ANKRD6: variants seen among roughly 807,000 people sequenced by gnomAD.
ANKRD6 encodes ankyrin repeat domain-containing protein 6.
Under a neutral mutation model 82.3 loss-of-function variants are expected in ANKRD6, and 56 were observed. That is an observed-to-expected ratio of 0.68 (90% CI 0.55 to 0.85). The LOEUF (loss-of-function observed/expected upper bound fraction) is 0.85. Ranked by LOEUF, ANKRD6 falls within the 40% of genes least tolerant of loss-of-function variation. ANKRD6 has a pLI of 0.00. For synonymous variants in ANKRD6, 347 were observed against 352.1 expected (o/e 0.99, Z 0.16); for missense variants, 852 against 907.6 (o/e 0.94, Z 0.79).
chr6:89,602,988 G>C, intron 3 of ANKRD6, 41 bp from the exon 4 acceptor site: 2 of 1,529,646 alleles, frequency 1.3e-6, no homozygotes, highest in South Asian at 2.4e-5. Flanking sequence ...AGGGGGTGCA[G>C]GGGAGCTGAC....
intron 1 of ANKRD6, among the ~76,000 whole-genome samples, chr6:89,436,081 CAGTAGTT>C (rs1018031219): frequency 6.6e-6 from 1 of 152,156 alleles, no homozygotes; most frequent in Non-Finnish European, 1.5e-5. Context: ...CCTTAGGTTT[CAGTAGTT>C]AGTAGTTAGG....
intron 2 of ANKRD6, among the ~76,000 whole-genome samples, chr6:89,585,309 G>C (rs537521309): frequency 2.6e-5 from 4 of 152,234 alleles, no homozygotes; most frequent in Non-Finnish European, 5.9e-5. Context: ...AACAAGACAG[G>C]GTGTCTGCTC....
At chr6:89,499,524 T>A (rs1779028732) in intron 1 of ANKRD6, among the ~76,000 whole-genome samples, 1 of 152,160 alleles carries the variant, frequency 6.6e-6, no homozygotes, top group South Asian at 2.1e-4. Context: ...TTATCTAGTT[T>A]AACGTTTCTC....
At chr6:89,613,738 CTATT>C in intron 6 of ANKRD6, 50 bp from the exon 7 acceptor site, 2 of 1,508,124 alleles carry the variant, frequency 1.3e-6, no homozygotes, top group Non-Finnish European at 1.8e-6. Context: ...CTACTTTTCT[CTATT>C]TGTTTTGTAA....
intron 1 of ANKRD6, among the ~76,000 whole-genome samples, chr6:89,504,341 G>T (rs562844496): frequency 6.6e-6 from 1 of 152,122 alleles, no homozygotes; most frequent in Non-Finnish European, 1.5e-5. Flanking sequence ...GTTCTCCATA[G>T]AGGGTAGCTG....
intron 2 of ANKRD6, among the ~76,000 whole-genome samples, chr6:89,594,308 G>A (rs1795443546): frequency 6.6e-6 from 1 of 151,950 alleles, no homozygotes; most frequent in Admixed American, 6.6e-5. Flanking sequence ...AGAAAAAATT[G>A]GCTGGGCATG....
At chr6:89,609,944 A>G (rs1241867111) in intron 5 of ANKRD6, among the ~76,000 whole-genome samples, 2 of 152,142 alleles carry the variant, frequency 1.3e-5, no homozygotes, top group African/African-American at 4.8e-5. Flanking sequence ...ATGGCTTCAG[A>G]AGGACAGGTC....
intron 1 of ANKRD6, among the ~76,000 whole-genome samples, chr6:89,485,087 G>T (rs1483981473): frequency 6.6e-6 from 1 of 152,156 alleles, no homozygotes; most frequent in Non-Finnish European, 1.5e-5. Context: ...AAATGCCCCA[G>T]ACTGTCTCAC....
At chr6:89,533,798 C>T (rs1014509700) in intron 1 of ANKRD6, among the ~76,000 whole-genome samples, 1 of 150,702 alleles carries the variant, frequency 6.6e-6, no homozygotes, top group Non-Finnish European at 1.5e-5. Context: ...CCAGTGTACT[C>T]CCCTGAGAGC....
intron 5 of ANKRD6, among the ~76,000 whole-genome samples, chr6:89,606,867 G>A (rs1798747200): frequency 6.6e-6 from 1 of 151,506 alleles, no homozygotes. Flanking sequence ...GGGCAGGTGG[G>A]GGCGGGGGTG....
intron 1 of ANKRD6, among the ~76,000 whole-genome samples, chr6:89,470,104 T>G (rs1775270802): frequency 6.6e-6 from 1 of 152,160 alleles, no homozygotes; most frequent in Non-Finnish European, 1.5e-5. Context: ...ATAAATTACT[T>G]TTCACTAAAC....
chr6:89,433,718 CG>C lies in ANKRD6; in HGVS notation c.-144+348del, dbSNP rs1770252761. 6.6e-6 allele frequency among the ~76,000 whole-genome samples: 1 copy of C among 152,052 alleles called. No individual in the cohort carries two copies. The highest frequency in any genetic ancestry group is 1.5e-5 in the Non-Finnish European group (1 of 67,990). On this transcript the variant is annotated intron_variant, in intron 1 of 15. Coordinates refer to ENST00000339746, the MANE Select transcript of ANKRD6 (RefSeq NM_001242809.2). This position sits in a 1 kb window ranked among gnomAD's most constrained non-coding sequence, Gnocchi z 4.3. ...CAGTTTGAAGGAAGGGCGGTGGGGG[CG>C]GGGGTCCGAGTACCCCGCGGTCTGC...
At chr6:89,573,483 A>G (rs1790413062) in intron 2 of ANKRD6, among the ~76,000 whole-genome samples, 2 of 151,978 alleles carry the variant, frequency 1.3e-5, no homozygotes, top group African/African-American at 4.8e-5. Context: ...CTTCTTTCTG[A>G]TTGATCTGGG....
intron 1 of ANKRD6, among the ~76,000 whole-genome samples, chr6:89,467,244 T>C (rs1774951454): frequency 1.3e-5 from 2 of 152,160 alleles, no homozygotes; most frequent in African/African-American, 4.8e-5. Flanking sequence ...TTAAGCTTCA[T>C]TCATGAGGTC....
chr6:89,592,086 A>G (rs1025875628), intron 2 of ANKRD6, among the ~76,000 whole-genome samples: 5 of 152,234 alleles, frequency 3.3e-5, no homozygotes, highest in African/African-American at 7.2e-5. Context: ...ACTGGGAACC[A>G]CAGTTTACGT....
rs115242224 is a variant in ANKRD6 at position 89,609,677 on chromosome 6, T to C, written c.418-2595T>C. On this transcript the variant is annotated intron_variant, in intron 5 of 15. Coordinates refer to ENST00000339746, the MANE Select transcript of ANKRD6 (RefSeq NM_001242809.2). The stretch of plus-strand genomic sequence containing the variant: ...ACTCTGTTGCCAGGCTGGAGCGCGA[T>C]CTCGGCTTGCTGAAACCTCTGCCTC... Among the ~76,000 whole-genome samples, 290 of 152,046 alleles carry C rather than the reference T, an allele frequency of 1.9e-3. 1 individual carries two copies. The highest frequency in any genetic ancestry group is 6.6e-3 in the African/African-American group (275 of 41,474).
intron 1 of ANKRD6, among the ~76,000 whole-genome samples, chr6:89,474,106 A>AAAAC (rs1775780117): frequency 2.7e-5 from 4 of 150,450 alleles, no homozygotes; most frequent in African/African-American, 9.8e-5. Context: ...CCTGTCTCAA[A>AAAAC]AAAACAAAAC....
intron 1 of ANKRD6, among the ~76,000 whole-genome samples, chr6:89,535,012 C>T (rs142676255): frequency 1.1e-4 from 16 of 152,248 alleles, no homozygotes; most frequent in African/African-American, 3.9e-4. Context: ...ACCTGGCAAA[C>T]CATTAGCAGG....
At chr6:89,533,765 T>TGA (rs1258846843) in intron 1 of ANKRD6, among the ~76,000 whole-genome samples, 1 of 144,726 alleles carries the variant, frequency 6.9e-6, no homozygotes, top group East Asian at 2.0e-4. Flanking sequence ...TGTGTGTGTG[T>TGA]GTGAATGAAT....
Sources: allele counts gnomAD v4.1 joint callset (sites outside exome capture counted in the v4.1 genomes callset), GRCh38; gene constraint gnomAD v4.1.1; non-coding constraint Gnocchi (gnomAD v3.1); transcripts MANE v1.5; gene names NCBI Gene and HGNC (gene_info 2026-07-23, HGNC 2026-07-21).